The following MLLT6 variants were observed in gnomAD, a reference collection of about 807,000 sequenced individuals.
MLLT6 encodes the protein protein AF-17.
MLLT6 carries 22 observed loss-of-function variants against 103.0 expected under a neutral mutation model. The observed-to-expected ratio is 0.21, with a 90% CI of 0.15 to 0.31. The LOEUF is 0.31. Ranked by LOEUF, MLLT6 falls within the 10% of genes least tolerant of loss-of-function variation. MLLT6 has a pLI of 1.00. For synonymous variants in MLLT6, 606 were observed against 623.5 expected (o/e 0.97, Z 0.42); for missense variants, 1,199 against 1,441.7 (o/e 0.83, Z 2.73).
At position 38,725,478 on chromosome 17, in the gene MLLT6, T is replaced by C. The variant is rs1905975336; in HGVS notation, c.3241-79T>C. On this transcript the variant is annotated intron_variant, in intron 19 of 19. Transcript: ENST00000621332. ...TTTCAGTACCCCACAGCAGCTTTCTTGGCCTAGGAAGCTGTTCTTATCTGG... is the reference window on the plus strand; with the variant it reads ...TTTCAGTACCCCACAGCAGCTTTCTCGGCCTAGGAAGCTGTTCTTATCTGG... 1.0e-5 allele frequency: 14 copies of C among 1,344,078 alleles called. 1 individual carries two copies. In the South Asian group the frequency reaches 1.5e-4, roughly 14 times the overall value. 83.3% of individuals were successfully genotyped at this position (1,344,078 alleles called of 1,614,324 possible).
chr17:38,720,817 C>A, intron 16 of MLLT6, 70 bp downstream of exon 16: 2 of 1,368,342 alleles, frequency 1.5e-6, no homozygotes, highest in Non-Finnish European at 2.1e-6. Flanking sequence ...ATCTCTTCCC[C>A]GCAGCTATTG....
intron 7 of MLLT6, among the ~76,000 whole-genome samples, chr17:38,712,463 T>C (rs550375018): frequency 4.6e-4 from 70 of 152,294 alleles, no homozygotes; most frequent in Non-Finnish European, 8.1e-4. Context: ...GGCGTGATAA[T>C]GGGACAGGCT....
Position 38,722,173 on chromosome 17 carries a change from G to A in MLLT6, c.2738G>A (p.Ser913Asn). The A allele has an allele frequency of 7.3e-7, 1 of 1,369,640 alleles. No individual in the cohort carries two copies. The highest frequency in any genetic ancestry group is 9.4e-7 in the Non-Finnish European group (1 of 1,066,756). The allele number at this position is 1,369,640 out of a possible 1,614,324, so 84.8% of individuals were successfully genotyped here. Residue 913 changes from serine (S) to asparagine (N), a missense_variant, in exon 17 of 20, where the codon AGC becomes AAC. This residue lies in a region of MLLT6 where 1,034 missense variants were observed against 1,091.5 expected (regional missense o/e 0.95). Transcript: ENST00000621332. ...LNGAAAPNPA[S>N]LSQAGGAPTL... ...GGGGCCGCTGCCCCCAACCCCGCAA[G>A]CTTGAGCCAGGCTGGCGGGGCCCCC...
chr17:38,724,504 C>A lies in MLLT6; in HGVS notation c.2884-116C>A. 5.6e-6 allele frequency: 4 copies of A among 717,066 alleles called. No individual in the cohort carries two copies. Among genetic ancestry groups the A allele is most frequent in the Non-Finnish European group, 9.3e-6 (4 of 432,330 alleles). 44.4% of individuals were successfully genotyped at this position (717,066 alleles called of 1,614,324 possible). ...GACAGTACCTTGACTGTCTCACAGGCCTCTTGCCTCCTGATTCCAGTGTGA... is the reference window on the plus strand; with the variant it reads ...GACAGTACCTTGACTGTCTCACAGGACTCTTGCCTCCTGATTCCAGTGTGA... On this transcript the variant is annotated intron_variant, in intron 18 of 19. Transcript: ENST00000621332. This position sits in a 1 kb window ranked among gnomAD's most constrained non-coding sequence, Gnocchi z 5.4.
chr17:38,723,192 G>C (rs950292692), intron 18 of MLLT6, among the ~76,000 whole-genome samples: 2 of 152,146 alleles, frequency 1.3e-5, no homozygotes, highest in African/African-American at 4.8e-5. Flanking sequence ...TGGAGAAAAG[G>C]AGTTTTACTT....
At position 38,716,448 on chromosome 17, in the gene MLLT6, C is replaced by A. The variant is rs779249761; in HGVS notation, c.1118C>A (p.Thr373Lys). Residue 373 changes from threonine to lysine, a missense_variant, in exon 10 of 20, where the codon ACA becomes AAA. By Grantham distance (78) the Thr-to-Lys change is moderately conservative. Transcript: ENST00000621332. This position sits in a 1 kb window ranked among gnomAD's most constrained non-coding sequence, Gnocchi z 5.6. ...GAGGAGGACAAGTACTCCAAGCCCA[C>A]AGCCCCCGCCCCTTCAGCCCCTCCT... ...QPEEDKYSKP[T>K]APAPSAPPSP... The A allele has an allele frequency of 6.2e-7, 1 of 1,613,636 alleles. No homozygotes were observed. The highest frequency in any genetic ancestry group is 8.5e-7 in the Non-Finnish European group (1 of 1,179,786).
At position 38,709,688 on chromosome 17, in the gene MLLT6, A is replaced by T; in HGVS notation, c.552+113A>T. On this transcript the variant is annotated intron_variant, in intron 6 of 19. Transcript: ENST00000621332. This position sits in a 1 kb window ranked among gnomAD's most constrained non-coding sequence, Gnocchi z 4.3. ...GGTGCTAGGAGGACAGAGAGGGAAA[A>T]AACCCAGTCCCTGCCCAAGAGGAGC... 1 of 781,930 alleles carries T rather than the reference A, an allele frequency of 1.3e-6. No individual in the cohort carries two copies. Among genetic ancestry groups the T allele is most frequent in the South Asian group, 1.5e-5 (1 of 68,450 alleles). 48.4% of individuals were successfully genotyped at this position (781,930 alleles called of 1,614,324 possible). A position where few individuals can be genotyped will look rare whatever the true frequency, so the allele number is the denominator to read the frequency against.
In MLLT6 at chr17:38,725,757, A is replaced by T. The variant is rs1598004763; in HGVS notation, c.*159A>T. 2 of 601,072 alleles carry T rather than the reference A, an allele frequency of 3.3e-6. No individual in the cohort carries two copies. The highest frequency in any genetic ancestry group is 6.7e-5 in the East Asian group (2 of 30,002). 37.2% of individuals were successfully genotyped at this position (601,072 alleles called of 1,614,324 possible). A position where few individuals can be genotyped will look rare whatever the true frequency, so the allele number is the denominator to read the frequency against. Reference sequence around the variant, plus strand: ...GTGTGGAGAGCTCCTGGTGTCGAGGACTGAGACTGAGAGGGGAGCCCCCTC... The same window carrying T: ...GTGTGGAGAGCTCCTGGTGTCGAGGTCTGAGACTGAGAGGGGAGCCCCCTC... On this transcript the variant is annotated 3_prime_UTR_variant, in exon 20 of 20. Transcript: ENST00000621332.
chr17:38,713,237 T>G (rs1905207143), intron 8 of MLLT6: 3 of 529,770 alleles, frequency 5.7e-6, no homozygotes, highest in Non-Finnish European at 1.0e-5. Context: ...CTGACCAAGG[T>G]GGCATGGGGG....
chr17:38,707,136 C>G, intron 2 of MLLT6, 107 bp downstream of exon 2: 2 of 909,670 alleles, frequency 2.2e-6, no homozygotes, highest in Non-Finnish European at 3.3e-6. Flanking sequence ...GGATTTAGCT[C>G]TGTCACACAG....
intron 8 of MLLT6, chr17:38,715,378 C>T: frequency 1.9e-6 from 1 of 536,236 alleles, no homozygotes; most frequent in East Asian, 3.1e-5. Flanking sequence ...AAGACAGACA[C>T]CTTCTTGGGT....
rs1201747915 is a variant in MLLT6 at position 38,709,068 on chromosome 17, T to C, written c.355-105T>C. ...TGCAGACAGTTCTGTGGGATAGCACTGATCTAAGACTGTAGAGAGCAAATG... is the reference window on the plus strand; with the variant it reads ...TGCAGACAGTTCTGTGGGATAGCACCGATCTAAGACTGTAGAGAGCAAATG... On this transcript the variant is annotated intron_variant, in intron 4 of 19. Transcript: ENST00000621332. This position sits in a 1 kb window ranked among gnomAD's most constrained non-coding sequence, Gnocchi z 4.3. The C allele has an allele frequency of 2.4e-6, 2 of 830,868 alleles. No homozygotes were observed. Among genetic ancestry groups the C allele is most frequent in the East Asian group, 4.8e-5 (2 of 41,238 alleles). 51.5% of individuals were successfully genotyped at this position (830,868 alleles called of 1,614,324 possible).
chr17:38,706,034 GC>G (rs1159911180), intron 1 of MLLT6: 10 of 172,606 alleles, frequency 5.8e-5, no homozygotes. Flanking sequence ...GGGTGTCGGG[GC>G]TGCCTGGGGA....
intron 6 of MLLT6, among the ~76,000 whole-genome samples, chr17:38,711,133 G>A (rs1905128696): frequency 2.0e-5 from 3 of 152,178 alleles, no homozygotes; most frequent in Admixed American, 6.5e-5. Context: ...CCTTGGGTTT[G>A]GCAGTTGGGA....
At chr17:38,721,412 C>T (rs142536533) in intron 16 of MLLT6, among the ~76,000 whole-genome samples, 185 of 152,316 alleles carry the variant, frequency 1.2e-3, no homozygotes, top group African/African-American at 4.3e-3. Context: ...CCCCAGCTTA[C>T]GAGTGAGTAA....
chr17:38,711,877 G>T lies in MLLT6; in HGVS notation c.583G>T (p.Gly195Ter). The T allele has an allele frequency of 6.3e-7, 1 of 1,592,796 alleles. No homozygotes were observed. ...KTSRHSSGGG[G>*]GGAGGGGGSM... ...ATCCCGGCACAGCAGCGGGGGAGGCGGAGGAGGCGCTGGAGGAGGAGGTGG... is the reference window on the plus strand; with the variant it reads ...ATCCCGGCACAGCAGCGGGGGAGGCTGAGGAGGCGCTGGAGGAGGAGGTGG... The change falls in exon 7 of 20, where the codon GGA becomes TGA. Residue 195 changes from glycine to a stop codon, truncating the protein, a stop_gained. Transcript: ENST00000621332. LOFTEE classifies it high-confidence loss of function.
In MLLT6 at chr17:38,727,441, C is replaced by A. The variant is rs60814254; in HGVS notation, c.*1843C>A. Reference sequence around the variant, plus strand: ...TAAATATGTTAGAAAGAAATGATAGCATTCAGCATTTTATTCTTCTTAATC... The same window carrying A: ...TAAATATGTTAGAAAGAAATGATAGAATTCAGCATTTTATTCTTCTTAATC... On this transcript the variant is annotated 3_prime_UTR_variant, in exon 20 of 20. Transcript: ENST00000621332. The A allele has an allele frequency of 7.0e-3, 1,584 of 225,836 alleles. 23 individuals carry two copies. Among genetic ancestry groups the A allele is most frequent in the African/African-American group, 0.032 (1,425 of 44,970 alleles). 14.0% of individuals were successfully genotyped at this position (225,836 alleles called of 1,614,324 possible).
rs766079681 is a variant in MLLT6, at chr17:38,724,842, A to G, written c.3106A>G (p.Thr1036Ala). 2 of 1,588,266 alleles carry G rather than the reference A, an allele frequency of 1.3e-6. No individual in the cohort carries two copies. The highest frequency in any genetic ancestry group is 1.8e-5 in the Admixed American group (1 of 56,560). ...ALVAPSLGNNTSLMAAAAAAA... is the reference protein window; with the variant it reads ...ALVAPSLGNNASLMAAAAAAA... Reference sequence around the variant, plus strand: ...AGTGGCTCCCTCGCTTGGCAACAACACAAGTCTCATGGCCGCAGCAGCTGC... The same window carrying G: ...AGTGGCTCCCTCGCTTGGCAACAACGCAAGTCTCATGGCCGCAGCAGCTGC... Residue 1036 changes from threonine (T) to alanine (A), a missense_variant, in exon 19 of 20, where the codon ACA (threonine) becomes GCA (alanine). Physicochemically the swap from Thr to Ala is moderately conservative, Grantham distance 58. Around this residue, in one of 7 missense-constraint regions of MLLT6, gnomAD observed 55 missense variants for 93.3 expected, o/e 0.59. Transcript: ENST00000621332. This position sits in a 1 kb window ranked among gnomAD's most constrained non-coding sequence, Gnocchi z 5.4.
intron 8 of MLLT6, chr17:38,713,517 C>A (rs1905216682): frequency 1.2e-5 from 2 of 161,040 alleles, no homozygotes; most frequent in Admixed American, 1.3e-4. Context: ...ACCTCCACCC[C>A]ATCTCAGACG....
Sources: gnomAD v4.1 joint callset for allele counts (sites outside exome capture counted in the v4.1 genomes callset) on GRCh38, gnomAD v4.1.1 for gene constraint, gnomAD v4.1.1 regional missense constraint, Gnocchi (gnomAD v3.1) non-coding constraint, MANE v1.5 for transcripts, NCBI Gene and HGNC (gene_info 2026-07-23, HGNC 2026-07-21) for gene names.